The following RBM33 variants were observed in gnomAD, a reference collection of about 807,000 sequenced individuals.
The protein encoded by RBM33 is RNA binding motif protein 33, also known as RNA-binding protein 33.
A neutral mutation model predicts 132.6 loss-of-function variants in RBM33; 28 were observed. That is an observed-to-expected ratio of 0.21 (90% confidence interval 0.16 to 0.29). RBM33 has a LOEUF of 0.29. RBM33 is among the 10% of genes least tolerant of loss of function. The pLI is 1.00. For missense variants in RBM33, 1,291 were observed against 1,518.5 expected, an observed-to-expected ratio of 0.85 and a Z score of 2.49; for synonymous variants, 634 against 593.0, an observed-to-expected ratio of 1.07 and a Z score of -1.01.
In RBM33 at chr7:155,715,372, G is replaced by A. The variant is rs140157180; in HGVS notation, c.1202-3013G>A. Among the ~76,000 whole-genome samples the A allele has an allele frequency of 4.1e-3, 618 of 152,260 alleles. 5 individuals carry two copies. The highest frequency in any genetic ancestry group is 0.015 in the African/African-American group (605 of 41,524). On this transcript the variant is annotated intron_variant, in intron 8 of 17. Coordinates refer to ENST00000401878, the MANE Select transcript of RBM33 (RefSeq NM_053043.3). Reference sequence around the variant, plus strand: ...GTGGAAAGCTGGCAGCTGGTAATACGTACAGATTTTCTTTAGCTTCACTAA... The same window carrying A: ...GTGGAAAGCTGGCAGCTGGTAATACATACAGATTTTCTTTAGCTTCACTAA...
chr7:155,700,686 A>T, intron 5 of RBM33, 87 bp from the exon 6 acceptor site: 1 of 1,014,990 alleles, frequency 9.9e-7, no homozygotes, highest in Non-Finnish European at 1.4e-6. Context: ...AAATATAAAC[A>T]ATTAAATATT....
At chr7:155,764,328 CG>C (rs35217936) in intron 15 of RBM33, among the ~76,000 whole-genome samples, 26,910 of 152,190 alleles carry the variant, frequency 0.18, 2,414 homozygotes, top group East Asian at 0.28. Flanking sequence ...CCTGCTGCTG[CG>C]TGTCAGCATG....
intron 2 of RBM33, among the ~76,000 whole-genome samples, chr7:155,668,538 C>T (rs902311398): frequency 1.3e-5 from 2 of 152,154 alleles, no homozygotes; most frequent in Admixed American, 1.3e-4. Flanking sequence ...CTGTGTTCCT[C>T]ATCGGAAGCT....
chr7:155,673,753 TAC>T lies in RBM33; in HGVS notation c.171+839_171+840del, dbSNP rs1563137923. Among the ~76,000 whole-genome samples, 26 of 48,886 alleles carry T rather than the reference TAC, an allele frequency of 5.3e-4. 1 individual carries two copies. The highest frequency in any genetic ancestry group is 1.9e-3 in the African/African-American group (24 of 12,914). The allele number at this position is 48,886 out of a possible 152,430, so 32.1% of individuals were successfully genotyped here. A position where few individuals can be genotyped will look rare whatever the true frequency, so the allele number is the denominator to read the frequency against. ...ACATATATACATACACACGTGTATA[TAC>T]GCGCGCATGCGCGCACACACACACA... is the stretch of plus-strand genomic sequence containing the variant. On this transcript the variant is annotated intron_variant, in intron 3 of 17. Transcript: ENST00000401878.
At chr7:155,709,718 TG>T (rs762483900) in intron 7 of RBM33, among the ~76,000 whole-genome samples, 33 of 152,310 alleles carry the variant, frequency 2.2e-4, no homozygotes, top group Non-Finnish European at 3.1e-4. Flanking sequence ...TGGGATACAA[TG>T]GTGAGTAAGA....
At chr7:155,678,201 A>G (rs935714315) in intron 3 of RBM33, among the ~76,000 whole-genome samples, 1 of 152,212 alleles carries the variant, frequency 6.6e-6, no homozygotes, top group African/African-American at 2.4e-5. Context: ...CTAAAATTAC[A>G]CTTTTTGTGT....
intron 1 of RBM33, among the ~76,000 whole-genome samples, chr7:155,645,998 A>G (rs1345075747): frequency 1.3e-5 from 2 of 151,778 alleles, no homozygotes; most frequent in Admixed American, 6.6e-5. Context: ...GTTTAAATAC[A>G]TGATGTTTGC....
intron 5 of RBM33, among the ~76,000 whole-genome samples, chr7:155,699,116 T>C (rs1463098128): frequency 2.6e-5 from 4 of 152,238 alleles, no homozygotes; most frequent in Non-Finnish European, 4.4e-5. Context: ...TTGTTTTACA[T>C]TAAACTTGTT....
chr7:155,701,166 T>C (rs538335732), intron 6 of RBM33: 8 of 557,544 alleles, frequency 1.4e-5, no homozygotes, highest in Admixed American at 7.1e-5. Context: ...ATAAAATGTT[T>C]AAGATAATTA....
At chr7:155,752,540 T>C (rs1801716036) in intron 14 of RBM33, among the ~76,000 whole-genome samples, 1 of 150,552 alleles carries the variant, frequency 6.6e-6, no homozygotes, top group African/African-American at 2.4e-5. Flanking sequence ...ACAGTCATTA[T>C]TTGCAAATTT....
chr7:155,759,114 A>T (rs1224726104), intron 14 of RBM33, among the ~76,000 whole-genome samples: 2 of 152,248 alleles, frequency 1.3e-5, no homozygotes, highest in Non-Finnish European at 2.9e-5. Flanking sequence ...TGACACCATC[A>T]CATCAGGACC....
chr7:155,688,265 T>G (rs1799533996), intron 5 of RBM33, among the ~76,000 whole-genome samples: 3 of 152,214 alleles, frequency 2.0e-5, no homozygotes, highest in Non-Finnish European at 4.4e-5. Context: ...ACTCATGATT[T>G]GGCCCTCTGT....
intron 14 of RBM33, among the ~76,000 whole-genome samples, chr7:155,759,932 C>T (rs574717811): frequency 1.3e-5 from 2 of 152,190 alleles, no homozygotes; most frequent in Non-Finnish European, 2.9e-5. Flanking sequence ...GTACTGTCGC[C>T]TCTCTTTCTG....
chr7:155,741,518 T>C (rs1482234892), intron 12 of RBM33, among the ~76,000 whole-genome samples: 1 of 152,198 alleles, frequency 6.6e-6, no homozygotes, highest in Non-Finnish European at 1.5e-5. Flanking sequence ...GTCAGTCCCT[T>C]TACTGAAGCA....
At chr7:155,677,542 G>A (rs755986275) in intron 3 of RBM33, among the ~76,000 whole-genome samples, 13 of 152,206 alleles carry the variant, frequency 8.5e-5, no homozygotes, top group Non-Finnish European at 1.6e-4. Flanking sequence ...TAAGCAGTCC[G>A]TTTTGTTATC....
chr7:155,761,789 T>G (rs897281485), intron 14 of RBM33, among the ~76,000 whole-genome samples: 1 of 152,194 alleles, frequency 6.6e-6, no homozygotes, highest in African/African-American at 2.4e-5. Flanking sequence ...GCTGTCATCT[T>G]TATCATTTTC....
chr7:155,721,654 TA>T (rs34301386), intron 9 of RBM33, among the ~76,000 whole-genome samples: 6 of 88,344 alleles, frequency 6.8e-5, no homozygotes, highest in Admixed American at 2.3e-4. Flanking sequence ...TGCTGAGTTA[TA>T]ATACCTCTAG....
At chr7:155,739,661 A>G (rs932460230) in intron 11 of RBM33, 54 bp from the exon 12 acceptor site, 12 of 1,475,552 alleles carry the variant, frequency 8.1e-6, no homozygotes, top group African/African-American at 2.8e-5. Flanking sequence ...TGAAGTGATT[A>G]TGCCCGGTGT....
At chr7:155,683,639 C>G (rs923722678) in intron 5 of RBM33, among the ~76,000 whole-genome samples, 2 of 152,128 alleles carry the variant, frequency 1.3e-5, no homozygotes, top group Non-Finnish European at 2.9e-5. Flanking sequence ...GCTGTCCTTT[C>G]CTGTGAATGT....
Sources: allele counts gnomAD v4.1 joint callset (sites outside exome capture counted in the v4.1 genomes callset), GRCh38; gene constraint gnomAD v4.1.1; transcripts MANE v1.5; gene names NCBI Gene and HGNC (gene_info 2026-07-23, HGNC 2026-07-21).